Variants in TECPR1 observed in about 807,000 individuals in gnomAD.
TECPR1 encodes tectonin beta-propeller repeat containing 1.
Under a neutral mutation model 162.4 loss-of-function variants are expected in TECPR1, and 122 were observed. The ratio of observed to expected loss-of-function variants is 0.75; its 90% CI spans 0.65 to 0.87. The LOEUF (loss-of-function observed/expected upper bound fraction) is 0.87. TECPR1 is among the 40% of genes least tolerant of loss of function. The pLI, the probability that TECPR1 is intolerant of heterozygous loss-of-function variation, is 0.00. For synonymous variants in TECPR1, 642 were observed against 670.6 expected (o/e 0.96, Z 0.66); for missense variants, 1,432 against 1,618.2 (o/e 0.88, Z 1.97).
At chr7:98,240,265 G>A (rs1296966442) in intron 8 of TECPR1, among the ~76,000 whole-genome samples, 2 of 152,116 alleles carry the variant, frequency 1.3e-5, no homozygotes, top group Admixed American at 6.6e-5. Context: ...CCGATTCTTC[G>A]AAATGTTGCA....
intron 4 of TECPR1, 85 bp downstream of exon 4, chr7:98,244,800 A>G (rs958443562): frequency 1.3e-6 from 2 of 1,586,008 alleles, no homozygotes; most frequent in African/African-American, 2.7e-5. Flanking sequence ...CTCAGGCACC[A>G]CAGGGTGCAG....
At chr7:98,243,362 G>A (rs939209986) in intron 6 of TECPR1, 105 bp downstream of exon 6, 38 of 1,463,736 alleles carry the variant, frequency 2.6e-5, no homozygotes, top group Non-Finnish European at 3.2e-5. Context: ...ATGGGGTGGG[G>A]GGGCCGGGGC....
intron 16 of TECPR1, among the ~76,000 whole-genome samples, chr7:98,228,343 A>C (rs1198835766): frequency 6.6e-6 from 1 of 152,200 alleles, no homozygotes; most frequent in South Asian, 2.1e-4. Context: ...CTCGATGAGC[A>C]CAGCCTGCTG....
chr7:98,232,894 TG>T lies in TECPR1; in HGVS notation c.1750del (p.Gln584SerfsTer27). On this transcript the variant is annotated frameshift_variant, in exon 12 of 26. Transcript: ENST00000447648. LOFTEE classifies it high-confidence loss of function. This position sits in a 1 kb window ranked among gnomAD's most constrained non-coding sequence, Gnocchi z 4.6. ...CCGCTTGGTCCTTTCCGTGAGCTGC[TG>T]GAAGATCTGCTTCCTCCAGGCAGCG... ...QTAAWRKQIF[Q>X]QLTERTKREL... 6.2e-7 allele frequency: 1 copy of T among 1,612,922 alleles called. No individual in the cohort carries two copies.
chr7:98,228,618 T>G (rs1798339449), intron 16 of TECPR1: 1 of 208,756 alleles, frequency 4.8e-6, no homozygotes, highest in African/African-American at 2.2e-5. Context: ...TGGGGTTAGC[T>G]GCTCCCCCGT....
Position 98,231,967 on chromosome 7 carries a change from G to C in TECPR1, c.1819-8C>G. 1 of 1,596,824 alleles carries C rather than the reference G, an allele frequency of 6.3e-7. No individual in the cohort carries two copies. The highest frequency in any genetic ancestry group is 1.1e-5 in the South Asian group (1 of 90,612). On this transcript the variant is annotated splice_polypyrimidine_tract_variant and splice_region_variant and intron_variant, in intron 12 of 25. Transcript: ENST00000447648. ...GGTCTTCACCCACACCGACTGCGCA[G>C]GCCGGGGCAGTGGACACCATCACAG...
In TECPR1 at chr7:98,225,946, T is replaced by A. The variant is rs140650081; in HGVS notation, c.2514-844A>T. Among the ~76,000 whole-genome samples the A allele has an allele frequency of 9.1e-4, 138 of 152,340 alleles. 1 individual carries two copies. The highest frequency in any genetic ancestry group is 3.0e-3 in the African/African-American group (125 of 41,572). On this transcript the variant is annotated intron_variant, in intron 17 of 25. Coordinates refer to ENST00000447648, the MANE Select transcript of TECPR1 (RefSeq NM_015395.3). ...GGCCACATTTCTCTTGTTCAAACCA[T>A]GTGGTCTGTGGTACTTTGTTAGTAC...
intron 23 of TECPR1, among the ~76,000 whole-genome samples, 175 bp downstream of exon 23, chr7:98,221,486 T>C (rs1348999516): frequency 6.7e-6 from 1 of 149,220 alleles, no homozygotes; most frequent in Non-Finnish European, 1.5e-5. Flanking sequence ...ATTAAAGTTT[T>C]TTTTTTTTTT....
chr7:98,240,022 T>G (rs2116606809), intron 8 of TECPR1, among the ~76,000 whole-genome samples: 1 of 152,036 alleles, frequency 6.6e-6, no homozygotes, highest in African/African-American at 2.4e-5. Flanking sequence ...GGCAGGAGAA[T>G]GGCGTGAACC....
Position 98,238,601 on chromosome 7 carries a change from G to A in TECPR1, c.943C>T (p.Arg315Ter), listed in dbSNP as rs1157531092. 27 of 1,565,816 alleles carry A rather than the reference G, an allele frequency of 1.7e-5. No homozygotes were observed. Among genetic ancestry groups the A allele is most frequent in the Non-Finnish European group, 2.1e-5 (24 of 1,155,302 alleles). The change falls in exon 9 of 26, where the codon CGA becomes TGA. Residue 315 changes from arginine (R) to a stop codon, truncating the protein, a stop_gained. Transcript: ENST00000447648. LOFTEE classifies it high-confidence loss of function. Reference sequence around the variant, plus strand: ...GGATTGTGAGAGTTGACGCCTCTTCGGAACCACACCTGGGGGAGTCAGAAA... The same window carrying A: ...GGATTGTGAGAGTTGACGCCTCTTCAGAACCACACCTGGGGGAGTCAGAAA... ...AVTKDWKVWF[R>*]RGVNSHNPCG...
Position 98,238,574 on chromosome 7 carries a change from A to G in TECPR1, c.970T>C (p.Cys324Arg). ...ACCATCTCAATCCAACTGGTGCCGC[A>G]GGGATTGTGAGAGTTGACGCCTCTT... ...FRRGVNSHNPCGTSWIEMVGE... is the reference protein window; with the variant it reads ...FRRGVNSHNPRGTSWIEMVGE... The change falls in exon 9 of 26, where the codon TGC (cysteine) becomes CGC (arginine). Residue 324 changes from cysteine (C) to arginine (R), a missense_variant. Cys to Arg is a radical substitution (Grantham distance 180). Coordinates refer to ENST00000447648, the MANE Select transcript of TECPR1 (RefSeq NM_015395.3). The G allele has an allele frequency of 6.4e-7, 1 of 1,573,464 alleles. No homozygotes were observed. Among genetic ancestry groups the G allele is most frequent in the Non-Finnish European group, 8.6e-7 (1 of 1,159,590 alleles).
At chr7:98,248,666 A>C (rs1036558989) in intron 2 of TECPR1, among the ~76,000 whole-genome samples, 4 of 148,488 alleles carry the variant, frequency 2.7e-5, no homozygotes, top group Non-Finnish European at 4.5e-5. Context: ...GCATGGTGAG[A>C]CTCCATCTTT....
intron 9 of TECPR1, among the ~76,000 whole-genome samples, chr7:98,238,201 G>A (rs890012516): frequency 6.6e-6 from 1 of 152,230 alleles, no homozygotes; most frequent in African/African-American, 2.4e-5. Context: ...AAAGGGCCTA[G>A]GTGGCCTGGC....
rs777518569 is a variant in TECPR1, at chr7:98,233,811, T to C, written c.1282A>G (p.Ile428Val). ...SEVERPGPGQ[I>V]LPAEPLDDSK... ...TCGTCTAGAGGTTCTGCAGGGAGAA[T>C]CTGGCCAGGCCCTGGTCTCTCGACT... Residue 428 changes from isoleucine to valine, a missense_variant, in exon 11 of 26, where the codon ATT (isoleucine) becomes GTT (valine). Transcript: ENST00000447648. 2 of 1,606,402 alleles carry C rather than the reference T, an allele frequency of 1.2e-6. No homozygotes were observed. Among genetic ancestry groups the C allele is most frequent in the East Asian group, 2.2e-5 (1 of 44,602 alleles).
intron 15 of TECPR1, among the ~76,000 whole-genome samples, chr7:98,229,966 C>A (rs758507033): frequency 7.1e-6 from 1 of 141,488 alleles, no homozygotes; most frequent in Non-Finnish European, 1.5e-5. Flanking sequence ...ATCCCCCCCC[C>A]AGGGAACCTC....
At chr7:98,219,728 C>A (rs1213523850) in intron 23 of TECPR1, among the ~76,000 whole-genome samples, 1 of 151,680 alleles carries the variant, frequency 6.6e-6, no homozygotes, top group East Asian at 1.9e-4. Flanking sequence ...ACAGAGAAAC[C>A]CCATCTCTAC....
chr7:98,242,910 A>ACCCATCCACACACCCATCCG (rs1798797660), intron 6 of TECPR1, among the ~76,000 whole-genome samples: 1 of 133,248 alleles, frequency 7.5e-6, no homozygotes, highest in Admixed American at 7.4e-5. Flanking sequence ...CCACTCACCC[A>ACCCATCCACACACCCATCCG]CCCATCCACA....
chr7:98,248,973 C>G (rs1432502047), intron 2 of TECPR1, among the ~76,000 whole-genome samples: 1 of 151,142 alleles, frequency 6.6e-6, no homozygotes, highest in African/African-American at 2.4e-5. Context: ...ACTGAAACTT[C>G]CACCTTCTGG....
At position 98,224,804 on chromosome 7, in the gene TECPR1, G is replaced by C; in HGVS notation, c.2687C>G (p.Pro896Arg). 6.3e-7 allele frequency: 1 copy of C among 1,581,238 alleles called. No individual in the cohort carries two copies. Among genetic ancestry groups the C allele is most frequent in the Non-Finnish European group, 8.6e-7 (1 of 1,164,478 alleles). ...QEGWQYASDF[P>R]ASYHGSKTMK... ...CCCTGTGCAGGGAGAGGCTTACGCA[G>C]GGAAGTCGCTGGCATACTGCCACCC... Residue 896 changes from proline (P) to arginine (R), a missense_variant, in exon 19 of 26, where the codon CCT becomes CGT. By Grantham distance (103) the Pro-to-Arg change is moderately radical (BLOSUM62 -2). Coordinates refer to ENST00000447648, the MANE Select transcript of TECPR1 (RefSeq NM_015395.3).
Sources: gnomAD v4.1 joint callset for allele counts (sites outside exome capture counted in the v4.1 genomes callset) on GRCh38, gnomAD v4.1.1 for gene constraint, Gnocchi (gnomAD v3.1) non-coding constraint, MANE v1.5 for transcripts, NCBI Gene and HGNC (gene_info 2026-07-23, HGNC 2026-07-21) for gene names.